MAST4: variants seen among roughly 807,000 people sequenced by gnomAD.
The protein encoded by MAST4 is microtubule-associated serine/threonine-protein kinase 4.
In MAST4, 89 loss-of-function variants were observed where a neutral mutation model predicts 162.7. The observed-to-expected ratio is 0.55, with a 90% CI of 0.46 to 0.65. The LOEUF (loss-of-function observed/expected upper bound fraction) is 0.65. Among genes scored for constraint, MAST4 ranks in the 30% least tolerant of loss-of-function variants. The pLI is 0.00. For missense variants in MAST4, 3,153 were observed against 3,374.0 expected, an observed-to-expected ratio of 0.93 and a Z score of 1.62; for synonymous variants, 1,479 against 1,361.1, an observed-to-expected ratio of 1.09 and a Z score of -1.91.
chr5:67,042,567 C>G (rs1020336005), intron 4 of MAST4, among the ~76,000 whole-genome samples: 9 of 151,676 alleles, frequency 5.9e-5, no homozygotes, highest in African/African-American at 2.2e-4. Flanking sequence ...CTATTCTTCG[C>G]TCCTTAGAGA....
chr5:67,160,550 T>C lies in MAST4; in HGVS notation c.3743T>C (p.Val1248Ala). Residue 1248 changes from valine (V) to alanine (A), a missense_variant, in exon 27 of 29, where the codon GTG becomes GCG. Transcript: ENST00000403625. ...ARRNSYKSRM[V>A]RRSKKSKKKE... ...AGAAACAGCTATAAGAGCCGGATGGTGAGGCGGAGCAAGAAATCCAAGAAG... is the reference window on the plus strand; with the variant it reads ...AGAAACAGCTATAAGAGCCGGATGGCGAGGCGGAGCAAGAAATCCAAGAAG... The C allele has an allele frequency of 1.9e-6, 3 of 1,613,658 alleles. No homozygotes were observed. The highest frequency in any genetic ancestry group is 2.5e-6 in the Non-Finnish European group (3 of 1,179,720).
rs140900289 is a variant in MAST4 at position 66,723,461 on chromosome 5, C to T, written c.364-36248C>T. 5.6e-3 allele frequency among the ~76,000 whole-genome samples: 857 copies of T among 152,274 alleles called. 8 individuals are homozygous for T. In the South Asian group the frequency reaches 0.057, roughly 10 times the overall value. ...CTATAATTGCTGAAAGAAGGGTTAG[C>T]TATGGAACTGCTGACTTTGCCCTTT... is the stretch of plus-strand genomic sequence containing the variant. On this transcript the variant is annotated intron_variant, in intron 1 of 28. Transcript: ENST00000403625.
chr5:66,760,534 C>T (rs1056887412), intron 2 of MAST4, among the ~76,000 whole-genome samples: 1 of 152,184 alleles, frequency 6.6e-6, no homozygotes, highest in African/African-American at 2.4e-5. Context: ...AACCCACCCT[C>T]TACTTCCACC....
chr5:66,613,389 G>A (rs1360719491), intron 1 of MAST4, among the ~76,000 whole-genome samples: 1 of 150,736 alleles, frequency 6.6e-6, no homozygotes, highest in Non-Finnish European at 1.5e-5. Flanking sequence ...AAGTCTTTTG[G>A]TTACTCATTA....
chr5:67,090,439 C>T (rs1232256436), intron 6 of MAST4, among the ~76,000 whole-genome samples: 1 of 39,054 alleles, frequency 2.6e-5, no homozygotes, highest in African/African-American at 4.2e-4. Flanking sequence ...CCCCCCTCCC[C>T]CTCCCCGCTT....
At chr5:66,735,016 G>A (rs1021370462) in intron 1 of MAST4, among the ~76,000 whole-genome samples, 1 of 152,190 alleles carries the variant, frequency 6.6e-6, no homozygotes, top group Non-Finnish European at 1.5e-5. Flanking sequence ...AACTAAGAGA[G>A]GAGATTTCAT....
intron 1 of MAST4, among the ~76,000 whole-genome samples, chr5:66,607,532 T>G (rs1264059391): frequency 2.0e-5 from 3 of 152,224 alleles, no homozygotes; most frequent in African/African-American, 7.2e-5. Context: ...TTATTTTGGT[T>G]TCTGATGAAG....
intron 3 of MAST4, among the ~76,000 whole-genome samples, chr5:66,867,135 T>A (rs1027438109): frequency 5.3e-5 from 8 of 152,224 alleles, no homozygotes; most frequent in Non-Finnish European, 1.0e-4. Flanking sequence ...ATATATGATT[T>A]TCTGGTTTTC....
At chr5:67,137,367 C>T (rs1428964688) in intron 19 of MAST4, among the ~76,000 whole-genome samples, 1 of 152,084 alleles carries the variant, frequency 6.6e-6, no homozygotes, top group East Asian at 1.9e-4. Flanking sequence ...CCAGTCTGCC[C>T]AAGTATGTGA....
chr5:66,642,947 G>C (rs1216631841), intron 1 of MAST4, among the ~76,000 whole-genome samples: 1 of 152,136 alleles, frequency 6.6e-6, no homozygotes, highest in Non-Finnish European at 1.5e-5. Context: ...GGAAGAAGGG[G>C]TGCCATGCCA....
At chr5:67,141,250 A>G (rs540308684) in intron 19 of MAST4, among the ~76,000 whole-genome samples, 1 of 152,346 alleles carries the variant, frequency 6.6e-6, no homozygotes, top group South Asian at 2.1e-4. Context: ...TAGTCCCTGT[A>G]GTAGCTTCTC....
At chr5:67,160,365 CTATTTG>C in intron 26 of MAST4, 85 bp from the exon 27 acceptor site, 1 of 1,296,426 alleles carries the variant, frequency 7.7e-7, no homozygotes, top group Admixed American at 2.6e-5. Flanking sequence ...ATGTTCCTTT[CTATTTG>C]TATTTGTCTA....
chr5:66,941,071 A>G (rs1293836739), intron 4 of MAST4, among the ~76,000 whole-genome samples: 2 of 152,164 alleles, frequency 1.3e-5, no homozygotes, highest in Non-Finnish European at 2.9e-5. Flanking sequence ...TTCATAAATT[A>G]TGCTGTGAAC....
chr5:66,697,303 A>G (rs1749469139), intron 1 of MAST4, among the ~76,000 whole-genome samples: 1 of 152,230 alleles, frequency 6.6e-6, no homozygotes. Flanking sequence ...AGTATTTTCC[A>G]AGTGACCGAT....
intron 3 of MAST4, among the ~76,000 whole-genome samples, chr5:66,882,490 G>T (rs1761755467): frequency 6.6e-6 from 1 of 151,862 alleles, no homozygotes; most frequent in African/African-American, 2.4e-5. Context: ...TAACTGTACT[G>T]ATCATTTATT....
In MAST4 at chr5:66,596,439, C is replaced by G. The variant is rs1742180497; in HGVS notation, c.-217C>G. 8.5e-6 allele frequency: 4 copies of G among 468,336 alleles called. No individual in the cohort carries two copies. Among genetic ancestry groups the G allele is most frequent in the Non-Finnish European group, 6.9e-6 (2 of 290,418 alleles). The allele number at this position is 468,336 out of a possible 1,614,324, so 29.0% of individuals were successfully genotyped here. ...ACCCGAGCGGGCATGTCCCCGCGCG[C>G]GGGAGCCTCCGTTTGCGGCCGGGCC... On this transcript the variant is annotated 5_prime_UTR_variant, in exon 1 of 29. Transcript: ENST00000403625.
At chr5:66,909,664 G>T (rs1344785612) in intron 4 of MAST4, among the ~76,000 whole-genome samples, 1 of 152,176 alleles carries the variant, frequency 6.6e-6, no homozygotes, top group Non-Finnish European at 1.5e-5. Context: ...ACTTTTTGAG[G>T]TCAACATGCT....
At chr5:67,093,754 A>T (rs1472116831) in intron 6 of MAST4, 6 of 389,080 alleles carry the variant, frequency 1.5e-5, no homozygotes, top group African/African-American at 1.2e-4. Flanking sequence ...TCACAAAACA[A>T]AATCATGGTG....
intron 1 of MAST4, among the ~76,000 whole-genome samples, chr5:66,645,647 GT>G (rs1404696196): frequency 6.6e-6 from 1 of 152,076 alleles, no homozygotes; most frequent in Non-Finnish European, 1.5e-5. Context: ...ATTTTAACAC[GT>G]TTTTTCCTCC....
Sources: gnomAD v4.1 joint callset for allele counts (sites outside exome capture counted in the v4.1 genomes callset) on GRCh38, gnomAD v4.1.1 for gene constraint, MANE v1.5 for transcripts, NCBI Gene and HGNC (gene_info 2026-07-23, HGNC 2026-07-21) for gene names.